CCDC181: variants seen among roughly 807,000 people sequenced by gnomAD.
CCDC181 encodes the protein coiled-coil domain containing 181.
Under a neutral mutation model 58.7 loss-of-function variants are expected in CCDC181, and 35 were observed. That is an observed-to-expected ratio of 0.60 (90% confidence interval 0.46 to 0.79). The LOEUF (loss-of-function observed/expected upper bound fraction) is 0.79. CCDC181 is among the 30% of genes least tolerant of loss of function. CCDC181 has a pLI of 0.00. For synonymous variants in CCDC181, 183 were observed against 197.5 expected (o/e 0.93, Z 0.62); for missense variants, 517 against 583.9 (o/e 0.89, Z 1.18).
intron 4 of CCDC181, among the ~76,000 whole-genome samples, chr1:169,411,535 TTA>T (rs557286958): frequency 7.2e-4 from 110 of 152,258 alleles, no homozygotes; most frequent in Non-Finnish European, 1.1e-3. Flanking sequence ...CTAACTTATT[TTA>T]TGAGGCCAGC....
chr1:169,405,249 T>A (rs554854124), intron 4 of CCDC181, among the ~76,000 whole-genome samples: 3 of 152,158 alleles, frequency 2.0e-5, no homozygotes, highest in African/African-American at 7.2e-5. Context: ...AATTTATAGA[T>A]TCAATGCCAT....
chr1:169,398,134 T>C (rs1178634336), intron 4 of CCDC181, among the ~76,000 whole-genome samples: 2 of 152,138 alleles, frequency 1.3e-5, no homozygotes, highest in Non-Finnish European at 1.5e-5. Context: ...AGTCTGGGAA[T>C]TGCTAGAGAT....
intron 4 of CCDC181, among the ~76,000 whole-genome samples, chr1:169,404,790 G>A (rs964135476): frequency 6.6e-6 from 1 of 152,150 alleles, no homozygotes; most frequent in Non-Finnish European, 1.5e-5. Flanking sequence ...ATTCAACATA[G>A]TGTTGGAAGT....
chr1:169,408,723 G>A (rs764239285), intron 4 of CCDC181, among the ~76,000 whole-genome samples: 1 of 152,190 alleles, frequency 6.6e-6, no homozygotes, highest in Non-Finnish European at 1.5e-5. Flanking sequence ...TGCAGCTTCT[G>A]CTGGTGATAC....
intron 2 of CCDC181, among the ~76,000 whole-genome samples, chr1:169,440,819 A>G (rs1283621793): frequency 1.3e-5 from 2 of 151,846 alleles, no homozygotes; most frequent in Admixed American, 6.6e-5. Flanking sequence ...CTGTAATCCC[A>G]GCTACTTGGG....
intron 2 of CCDC181, chr1:169,452,848 A>AT (rs1657578424): frequency 6.6e-6 from 1 of 152,068 alleles, no homozygotes; most frequent in Non-Finnish European, 1.5e-5. Flanking sequence ...AAATAATTAA[A>AT]TTGAATTAAA....
intron 4 of CCDC181, among the ~76,000 whole-genome samples, chr1:169,399,239 G>T (rs1655212357): frequency 1.3e-5 from 2 of 152,110 alleles, no homozygotes; most frequent in Non-Finnish European, 2.9e-5. Context: ...GGTAGAAGGG[G>T]GCTGGGTTAT....
At chr1:169,443,224 A>T (rs1657283919) in intron 2 of CCDC181, 1 of 152,022 alleles carries the variant, frequency 6.6e-6, no homozygotes, top group Non-Finnish European at 1.5e-5. Flanking sequence ...CAAGTGCTCT[A>T]AGGAAAAAAG....
intron 2 of CCDC181, among the ~76,000 whole-genome samples, chr1:169,424,233 T>C (rs572297494): frequency 1.3e-3 from 201 of 151,686 alleles, no homozygotes; most frequent in Non-Finnish European, 2.4e-3. Context: ...TTTCCTGGAG[T>C]TCCTTTCTTC....
intron 2 of CCDC181, among the ~76,000 whole-genome samples, chr1:169,434,125 A>C (rs1290357210): frequency 1.3e-5 from 2 of 152,042 alleles, no homozygotes; most frequent in Non-Finnish European, 2.9e-5. Flanking sequence ...CCAATTCAAA[A>C]AATGGACAAA....
At chr1:169,437,728 C>T (rs994124530) in intron 2 of CCDC181, among the ~76,000 whole-genome samples, 3 of 152,136 alleles carry the variant, frequency 2.0e-5, no homozygotes, top group Non-Finnish European at 4.4e-5. Context: ...TCATGCAGAC[C>T]TGGCTGTGGT....
chr1:169,405,472 G>A (rs1655595871), intron 4 of CCDC181, among the ~76,000 whole-genome samples: 1 of 152,108 alleles, frequency 6.6e-6, no homozygotes, highest in East Asian at 1.9e-4. Flanking sequence ...TAGACCAGTG[G>A]AACAGAACAG....
chr1:169,455,513 A>T (rs1468335601), intron 2 of CCDC181, among the ~76,000 whole-genome samples: 1 of 152,168 alleles, frequency 6.6e-6, no homozygotes, highest in Non-Finnish European at 1.5e-5. Flanking sequence ...ATTCTGATAT[A>T]TGGAGAGCCA....
chr1:169,409,766 A>G (rs1655860715), intron 4 of CCDC181, among the ~76,000 whole-genome samples: 1 of 152,160 alleles, frequency 6.6e-6, no homozygotes, highest in African/African-American at 2.4e-5. Flanking sequence ...TCAACCCAGA[A>G]TTTCATATCC....
At chr1:169,441,701 T>G (rs1250514808) in intron 2 of CCDC181, among the ~76,000 whole-genome samples, 1 of 151,904 alleles carries the variant, frequency 6.6e-6, no homozygotes, top group Non-Finnish European at 1.5e-5. Flanking sequence ...TTTCCTTTGA[T>G]GGGCTTTATG....
chr1:169,439,891 G>A (rs780638946), intron 2 of CCDC181, among the ~76,000 whole-genome samples: 7 of 152,012 alleles, frequency 4.6e-5, no homozygotes, highest in South Asian at 2.1e-4. Flanking sequence ...ATCCCCAGCC[G>A]AACTCCTCTC....
chr1:169,427,622 C>G (rs1656773408), upstream of CCDC181: 1 of 152,198 alleles, frequency 6.6e-6, no homozygotes, highest in Admixed American at 6.5e-5. Flanking sequence ...TAGAGACTCG[C>G]GAAGTGCCGC....
chr1:169,444,731 TCTC>T (rs756831872), intron 2 of CCDC181, among the ~76,000 whole-genome samples: 68 of 152,142 alleles, frequency 4.5e-4, no homozygotes, highest in Non-Finnish European at 9.1e-4. Flanking sequence ...ATATTTTTCT[TCTC>T]TGGCCTTGGC....
intron 3 of CCDC181, among the ~76,000 whole-genome samples, chr1:169,419,435 C>T (rs968789587): frequency 1.3e-5 from 2 of 152,130 alleles, no homozygotes; most frequent in East Asian, 1.9e-4. Flanking sequence ...CAAAAATTAG[C>T]TGGGCTAATT....
Sources: gnomAD v4.1 joint callset for allele counts (sites outside exome capture counted in the v4.1 genomes callset) on GRCh38, gnomAD v4.1.1 for gene constraint, MANE v1.5 for transcripts, NCBI Gene and HGNC (gene_info 2026-07-23, HGNC 2026-07-21) for gene names.